SAFB2: variants seen among roughly 807,000 people sequenced by gnomAD.
SAFB2 encodes the protein scaffold attachment factor B2.
Under a neutral mutation model 100.6 loss-of-function variants are expected in SAFB2, and 32 were observed. The ratio of observed to expected loss-of-function variants is 0.32; its 90% confidence interval spans 0.24 to 0.43. SAFB2 has a LOEUF of 0.43. Ranked by LOEUF, SAFB2 falls within the 20% of genes least tolerant of loss-of-function variation. The pLI is 1.00. For missense variants in SAFB2, 1,185 were observed against 1,163.4 expected (o/e 1.02, Z -0.27); for synonymous variants, 500 against 439.4 (o/e 1.14, Z -1.72).
chr19:5,615,368 C>T (rs1487063064), intron 4 of SAFB2, among the ~76,000 whole-genome samples: 8 of 151,534 alleles, frequency 5.3e-5, no homozygotes. Flanking sequence ...AACAAACAAA[C>T]AAACAAAACA....
chr19:5,615,671 C>T (rs2053011411), intron 4 of SAFB2, among the ~76,000 whole-genome samples: 1 of 152,170 alleles, frequency 6.6e-6, no homozygotes, highest in South Asian at 2.1e-4. Context: ...CACTGCACTC[C>T]AGCCTGCACA....
In SAFB2 at chr19:5,622,401, C is replaced by T. The variant is rs2053181840; in HGVS notation, c.186+129G>A. On this transcript the variant is annotated intron_variant, in intron 1 of 20. Coordinates refer to ENST00000252542, the MANE Select transcript of SAFB2 (RefSeq NM_014649.3). ...CAGCCGGCCCCCTGGGTGCCCGACA[C>T]CTCGAACCGGGGTCGGCCAAGACGC... is the stretch of plus-strand genomic sequence containing the variant. 9.5e-6 allele frequency: 9 copies of T among 944,162 alleles called. No individual in the cohort carries two copies. In the South Asian group the frequency reaches 1.8e-4, roughly 19 times the overall value. 58.5% of individuals were successfully genotyped at this position (944,162 alleles called of 1,614,324 possible). A position where few individuals can be genotyped will look rare whatever the true frequency, so the allele number is the denominator to read the frequency against.
At chr19:5,598,917 C>T (rs2052591950) in intron 12 of SAFB2, 33 bp from the exon 13 acceptor site, 5 of 1,603,712 alleles carry the variant, frequency 3.1e-6, no homozygotes, top group African/African-American at 1.3e-5. Flanking sequence ...CTATCAAAAC[C>T]TGTGGACGCC....
chr19:5,587,276 G>A lies in SAFB2; in HGVS notation c.2829C>T (p.Pro943=), dbSNP rs748865699. The change falls in exon 21 of 21, where the codon CCC becomes CCT. Residue 943 remains proline, a synonymous_variant. Coordinates refer to ENST00000252542, the MANE Select transcript of SAFB2 (RefSeq NM_014649.3). The surrounding 1 kb of genome is among the most constrained non-coding windows in gnomAD (Gnocchi z 4.9). ...GSRVPHPHPH[P]PPYPHFTRRY is the part of the protein sequence containing the mutation. ...GGCGGGTGAAGTGGGGGTACGGGGG[G>A]GGATGAGGGTGTGGGTGAGGGACTC... 6.2e-7 allele frequency: 1 copy of A among 1,613,382 alleles called. No individual in the cohort carries two copies. Among genetic ancestry groups the A allele is most frequent in the Admixed American group, 1.7e-5 (1 of 59,966 alleles).
At chr19:5,613,074 T>C (rs780988719) in intron 5 of SAFB2, among the ~76,000 whole-genome samples, 38 of 152,262 alleles carry the variant, frequency 2.5e-4, no homozygotes, top group Non-Finnish European at 5.1e-4. Context: ...CCAGCTGCTC[T>C]GCAACACCTC....
At chr19:5,588,078 A>G in intron 18 of SAFB2, 98 bp from the exon 19 acceptor site, 1 of 1,036,200 alleles carries the variant, frequency 9.7e-7, no homozygotes, top group Non-Finnish European at 1.4e-6. Context: ...ATGGTGGGTC[A>G]TGCCACACAA....
rs141995601 is a variant in SAFB2, at chr19:5,592,317, G to A, written c.2348+430C>T. On this transcript the variant is annotated intron_variant, in intron 16 of 20. Coordinates refer to ENST00000252542, the MANE Select transcript of SAFB2 (RefSeq NM_014649.3). ...GGGCTGCCTTTTTAATAAACTAGAT[G>A]TATTCCTCATTTTAAAAGGCTAAAA... 1.4e-3 allele frequency among the ~76,000 whole-genome samples: 216 copies of A among 152,264 alleles called. 1 individual carries two copies. The highest frequency in any genetic ancestry group is 5.1e-3 in the African/African-American group (210 of 41,536).
At chr19:5,605,220 T>C (rs886102726) in intron 9 of SAFB2, among the ~76,000 whole-genome samples, 1 of 151,808 alleles carries the variant, frequency 6.6e-6, no homozygotes, top group African/African-American at 2.4e-5. Context: ...TTCTCCCGCC[T>C]CAGCCTCCGA....
chr19:5,612,266 G>A (rs956717031), intron 6 of SAFB2: 9 of 503,838 alleles, frequency 1.8e-5, no homozygotes, highest in Admixed American at 7.4e-5. Flanking sequence ...GAGGAATCAC[G>A]GGGACGGGGG....
In SAFB2 at chr19:5,587,238, G is replaced by A. The variant is rs2052270732; in HGVS notation, c.*5C>T. 6.2e-7 allele frequency: 1 copy of A among 1,613,036 alleles called. No homozygotes were observed. The highest frequency in any genetic ancestry group is 1.1e-5 in the South Asian group (1 of 91,036). On this transcript the variant is annotated 3_prime_UTR_variant, in exon 21 of 21. Transcript: ENST00000252542. This position sits in a 1 kb window ranked among gnomAD's most constrained non-coding sequence, Gnocchi z 4.9. ...GCCCACCCGAAAACTCGCAGCGAGTGGGACTTAGTAGCGGCGGGTGAAGTG... is the reference window on the plus strand; with the variant it reads ...GCCCACCCGAAAACTCGCAGCGAGTAGGACTTAGTAGCGGCGGGTGAAGTG...
rs113544529 is a variant in SAFB2 at position 5,591,842 on chromosome 19, A to C, written c.2349-49T>G. On this transcript the variant is annotated intron_variant, in intron 16 of 20. Coordinates refer to ENST00000252542, the MANE Select transcript of SAFB2 (RefSeq NM_014649.3). ...CAAACAGCACCAGGCACGACTACACATTTCTGCAGGTCAGGCAAGTTTCGC... is the reference window on the plus strand; with the variant it reads ...CAAACAGCACCAGGCACGACTACACCTTTCTGCAGGTCAGGCAAGTTTCGC... 21 of 1,595,816 alleles carry C rather than the reference A, an allele frequency of 1.3e-5. No homozygotes were observed. In the African/African-American group the frequency reaches 1.6e-4, roughly 12 times the overall value.
chr19:5,590,450 C>A, intron 17 of SAFB2, 42 bp from the exon 18 acceptor site: 1 of 1,543,112 alleles, frequency 6.5e-7, no homozygotes, highest in Non-Finnish European at 8.8e-7. Context: ...GACCATGTCA[C>A]CCACATAGGC....
At chr19:5,605,463 G>T (rs1404120479) in intron 9 of SAFB2, among the ~76,000 whole-genome samples, 1 of 152,140 alleles carries the variant, frequency 6.6e-6, no homozygotes, top group Non-Finnish European at 1.5e-5. Context: ...ACACAAACAT[G>T]CAAGGTTATA....
intron 5 of SAFB2, among the ~76,000 whole-genome samples, chr19:5,612,832 C>T (rs2052937680): frequency 6.6e-6 from 1 of 152,210 alleles, no homozygotes; most frequent in African/African-American, 2.4e-5. Context: ...GCCACCCACC[C>T]CATGACCAAG....
At chr19:5,601,060 C>T (rs1001921865) in intron 11 of SAFB2, among the ~76,000 whole-genome samples, 52 of 152,160 alleles carry the variant, frequency 3.4e-4, no homozygotes, top group Non-Finnish European at 6.5e-4. Context: ...GCAGGGTTCC[C>T]GGCAGAGCTC....
intron 18 of SAFB2, 63 bp downstream of exon 18, chr19:5,590,215 G>T: frequency 7.4e-7 from 1 of 1,344,608 alleles, no homozygotes; most frequent in Non-Finnish European, 9.9e-7. Flanking sequence ...TGCCTGGCCA[G>T]GCACCAACCT....
intron 9 of SAFB2, among the ~76,000 whole-genome samples, chr19:5,607,762 G>A (rs2052808544): frequency 6.6e-6 from 1 of 152,198 alleles, no homozygotes; most frequent in South Asian, 2.1e-4. Context: ...CCTAAGCAAG[G>A]CATTCCCCGT....
At chr19:5,599,556 CT>C (rs1568214611) in intron 12 of SAFB2, among the ~76,000 whole-genome samples, 1 of 152,044 alleles carries the variant, frequency 6.6e-6, no homozygotes, top group Non-Finnish European at 1.5e-5. Flanking sequence ...GGTTTTGTCT[CT>C]GTTTTTCTCT....
Position 5,595,463 on chromosome 19 carries a change from T to C in SAFB2, c.1817A>G (p.Lys606Arg), listed in dbSNP as rs773121231. ...AAACGACAAGATGTCTCTCTTTTCT[T>C]TGCTTTCTGACTTGCGATCCTGACT... Reference protein sequence around the residue: ...SKSQDRKSESKEKRDILSFDK... With the variant: ...SKSQDRKSESREKRDILSFDK... Residue 606 changes from lysine (K) to arginine (R), a missense_variant, in exon 14 of 21, where the codon AAA (lysine) becomes AGA (arginine). This residue lies in a region of SAFB2 where 740 missense variants were observed against 687.1 expected (regional missense o/e 1.08). Coordinates refer to ENST00000252542, the MANE Select transcript of SAFB2 (RefSeq NM_014649.3). 6.2e-7 allele frequency: 1 copy of C among 1,613,994 alleles called. No homozygotes were observed. The highest frequency in any genetic ancestry group is 8.5e-7 in the Non-Finnish European group (1 of 1,180,034).
Sources: allele counts gnomAD v4.1 joint callset (sites outside exome capture counted in the v4.1 genomes callset), GRCh38; gene constraint gnomAD v4.1.1; regional missense constraint gnomAD v4.1.1; non-coding constraint Gnocchi (gnomAD v3.1); transcripts MANE v1.5; gene names NCBI Gene and HGNC (gene_info 2026-07-23, HGNC 2026-07-21).